MCM6: variants seen among roughly 807,000 people sequenced by gnomAD.
MCM6 encodes the protein minichromosome maintenance complex component 6.
MCM6 carries 46 observed loss-of-function variants against 94.3 expected under a neutral mutation model. The observed-to-expected ratio is 0.49, with a 90% CI of 0.39 to 0.62. The LOEUF (loss-of-function observed/expected upper bound fraction) is 0.62. Ranked by LOEUF, MCM6 falls within the 20% of genes least tolerant of loss-of-function variation. The pLI is 0.00. For missense variants in MCM6, 865 were observed against 1,017.9 expected (o/e 0.85, Z 2.04); for synonymous variants, 335 against 351.9 (o/e 0.95, Z 0.54).
intron 10 of MCM6, among the ~76,000 whole-genome samples, chr2:135,857,450 G>C (rs893720983): frequency 1.3e-5 from 2 of 152,214 alleles, no homozygotes; most frequent in East Asian, 3.9e-4. Context: ...GGGAGTTGCA[G>C]GGAAAGAGTT....
At chr2:135,851,625 C>A in intron 12 of MCM6, 62 bp from the exon 13 acceptor site, 2 of 1,417,408 alleles carry the variant, frequency 1.4e-6, no homozygotes, top group Non-Finnish European at 9.3e-7. Context: ...TACGGTAAAC[C>A]TAAGTTTAAG....
chr2:135,852,938 CTT>C, intron 11 of MCM6, 23 bp from the exon 12 acceptor site: 1 of 1,573,520 alleles, frequency 6.4e-7, no homozygotes. Context: ...AAAAAAATCA[CTT>C]TGATAGTCAC....
intron 1 of MCM6, 81 bp from the exon 2 acceptor site, chr2:135,872,924 A>G: frequency 6.5e-6 from 10 of 1,529,326 alleles, no homozygotes; most frequent in East Asian, 2.3e-5. Flanking sequence ...CATTGGTTAA[A>G]GTCCAACAAC....
Position 135,840,783 on chromosome 2 carries a change from C to T in MCM6, c.*52G>A. On this transcript the variant is annotated 3_prime_UTR_variant, in exon 17 of 17. Transcript: ENST00000264156. ...GCAGAGCTCCAGCCAGGCTCCAGGC[C>T]ACGAGGTGCTGTGCCACAGTTCCTC... 1 of 1,268,578 alleles carries T rather than the reference C, an allele frequency of 7.9e-7. No homozygotes were observed. The highest frequency in any genetic ancestry group is 1.2e-6 in the Non-Finnish European group (1 of 866,680). 78.6% of individuals were successfully genotyped at this position (1,268,578 alleles called of 1,614,324 possible). A position where few individuals can be genotyped will look rare whatever the true frequency, so the allele number is the denominator to read the frequency against.
Position 135,866,129 on chromosome 2 carries a change from G to C in MCM6, c.927+3C>G, listed in dbSNP as rs1340409681. 6.2e-7 allele frequency: 1 copy of C among 1,613,378 alleles called. No homozygotes were observed. The highest frequency in any genetic ancestry group is 2.2e-5 in the East Asian group (1 of 44,864). On this transcript the variant is annotated splice_donor_region_variant and intron_variant, in intron 6 of 16. Transcript: ENST00000264156. Reference sequence around the variant, plus strand: ...ACAAACAAAAACCCCCAAAACGACTGACCCTTGGGTTGGTTGGCGCAACAC... The same window carrying C: ...ACAAACAAAAACCCCCAAAACGACTCACCCTTGGGTTGGTTGGCGCAACAC...
At chr2:135,847,002 C>A (rs1483878379) in intron 14 of MCM6, among the ~76,000 whole-genome samples, 4 of 150,304 alleles carry the variant, frequency 2.7e-5, no homozygotes, top group Admixed American at 2.0e-4. Flanking sequence ...AAAACTCCAT[C>A]TCAAAAATAA....
chr2:135,864,728 C>T lies in MCM6; in HGVS notation c.1078+285G>A, dbSNP rs796346030. Among the ~76,000 whole-genome samples, 15 of 152,238 alleles carry T rather than the reference C, an allele frequency of 9.9e-5. 1 individual carries two copies. Among genetic ancestry groups the T allele is most frequent in the African/African-American group, 3.6e-4 (15 of 41,538 alleles). On this transcript the variant is annotated intron_variant, in intron 7 of 16. Transcript: ENST00000264156. The stretch of plus-strand genomic sequence containing the variant: ...TATAACTGTCACCACTATCCCTTTC[C>T]AGAACTTTGTCATCATCCCAAATAG...
In MCM6 at chr2:135,875,812, T is replaced by G. The variant is rs1011213251; in HGVS notation, c.107+447A>C. ...CAAGAGGCGAGGGTGGCCCGTGCCCTGCGAACCCCCAGCACCATGCTCCCG... is the reference window on the plus strand; with the variant it reads ...CAAGAGGCGAGGGTGGCCCGTGCCCGGCGAACCCCCAGCACCATGCTCCCG... On this transcript the variant is annotated intron_variant, in intron 1 of 16. Coordinates refer to ENST00000264156, the MANE Select transcript of MCM6 (RefSeq NM_005915.6). Among the ~76,000 whole-genome samples, 3 of 152,154 alleles carry G rather than the reference T, an allele frequency of 2.0e-5. No homozygotes were observed. In the South Asian group the frequency reaches 6.2e-4, roughly 32 times the overall value.
In MCM6 at chr2:135,844,636, A is replaced by G; in HGVS notation, c.2258T>C (p.Leu753Ser). 6.3e-7 allele frequency: 1 copy of G among 1,591,806 alleles called. No homozygotes were observed. The highest frequency in any genetic ancestry group is 1.2e-5 in the South Asian group (1 of 85,092). Residue 753 changes from leucine (L) to serine (S), a missense_variant, in exon 16 of 17, where the codon TTG becomes TCG. Around this residue, in one of 3 missense-constraint regions of MCM6, gnomAD observed 308 missense variants for 324.5 expected, o/e 0.95. Transcript: ENST00000264156. Reference sequence around the variant, plus strand: ...GTCTATCTCTGATTCGATTTCCTTCAAGTACCAGTTAACAAGCTCGCTCCT... The same window carrying G: ...GTCTATCTCTGATTCGATTTCCTTCGAGTACCAGTTAACAAGCTCGCTCCT... ...LKRSELVNWY[L>S]KEIESEIDSE...
rs1390785361 is a variant in MCM6 at position 135,862,768 on chromosome 2, C to A, written c.1079-20G>T. ...CATTGCCTGAAATGAAAAGAAGCTA[C>A]AGATGAAAAACTAATTTTTCAACAT... On this transcript the variant is annotated intron_variant, in intron 7 of 16. Coordinates refer to ENST00000264156, the MANE Select transcript of MCM6 (RefSeq NM_005915.6). 1.2e-6 allele frequency: 2 copies of A among 1,610,474 alleles called. No homozygotes were observed. Among genetic ancestry groups the A allele is most frequent in the Non-Finnish European group, 1.7e-6 (2 of 1,178,476 alleles).
chr2:135,870,853 TC>T, intron 2 of MCM6, among the ~76,000 whole-genome samples: 1 of 152,138 alleles, frequency 6.6e-6, no homozygotes, highest in East Asian at 1.9e-4. Flanking sequence ...GCTCAGGTGA[TC>T]CTCCCATCTC....
chr2:135,872,447 C>T (rs1392919207), intron 2 of MCM6, among the ~76,000 whole-genome samples: 23 of 146,622 alleles, frequency 1.6e-4, no homozygotes, highest in Non-Finnish European at 3.0e-5. Context: ...AAGACTCCGT[C>T]TCAAAAAACA....
At chr2:135,857,788 C>G in intron 10 of MCM6, 109 bp downstream of exon 10, 1 of 788,118 alleles carries the variant, frequency 1.3e-6, no homozygotes. Context: ...TTTTAATGAA[C>G]AGCATTACAC....
At chr2:135,868,110 T>C (rs918549573) in intron 4 of MCM6, among the ~76,000 whole-genome samples, 2 of 152,134 alleles carry the variant, frequency 1.3e-5, no homozygotes, top group African/African-American at 2.4e-5. Context: ...CTTATTAAGA[T>C]AGGCTCAAAC....
intron 2 of MCM6, among the ~76,000 whole-genome samples, chr2:135,871,155 T>C (rs1244796695): frequency 6.6e-6 from 1 of 152,184 alleles, no homozygotes; most frequent in Non-Finnish European, 1.5e-5. Flanking sequence ...GAAGTATGCA[T>C]GTCCTTTTGA....
intron 12 of MCM6, chr2:135,851,811 C>T (rs1011141857): frequency 6.8e-6 from 2 of 293,922 alleles, no homozygotes; most frequent in East Asian, 5.5e-5. Context: ...AGCAAATGAC[C>T]ATTTCTAAAA....
In MCM6 at chr2:135,840,951, C is replaced by T. The variant is rs1396687825; in HGVS notation, c.2350G>A (p.Asp784Asn). ...EKVIHRLTHY[D>N]HVLIELTQAG... Reference sequence around the variant, plus strand: ...TGGGTGAGCTCAATTAGAACATGATCCTGTGAAACACAAATATTTGTCCTC... The same window carrying T: ...TGGGTGAGCTCAATTAGAACATGATTCTGTGAAACACAAATATTTGTCCTC... Residue 784 changes from aspartate (D) to asparagine (N), a missense_variant and splice_region_variant, in exon 17 of 17, where the codon GAT becomes AAT. Physicochemically the swap from Asp to Asn is conservative, Grantham distance 23. Transcript: ENST00000264156. 1 of 1,607,054 alleles carries T rather than the reference C, an allele frequency of 6.2e-7. No homozygotes were observed. The highest frequency in any genetic ancestry group is 8.5e-7 in the Non-Finnish European group (1 of 1,173,670).
In MCM6 at chr2:135,866,265, T is replaced by A; in HGVS notation, c.794A>T (p.Glu265Val). The change falls in exon 6 of 17, where the codon GAA (glutamate) becomes GTA (valine). Residue 265 changes from glutamate (E) to valine (V), a missense_variant. This residue lies in a region of MCM6 where 404 missense variants were observed against 451.9 expected (regional missense o/e 0.89). Transcript: ENST00000264156. Reference protein sequence around the residue: ...SKLSTPGARAETNSRVSGVDG... With the variant: ...SKLSTPGARAVTNSRVSGVDG... The stretch of plus-strand genomic sequence containing the variant: ...AACACCACTGACACGGGAATTAGTT[T>A]CTGCACGTGCTCCTGAAACAGAATG... 6.2e-7 allele frequency: 1 copy of A among 1,614,208 alleles called. No homozygotes were observed.
At chr2:135,859,513 G>T (rs552028995) in intron 8 of MCM6, 71 bp from the exon 9 acceptor site, 13 of 1,090,104 alleles carry the variant, frequency 1.2e-5, no homozygotes, top group East Asian at 2.5e-5. Flanking sequence ...AAAACCAGCA[G>T]AAGAGTTTAA....
Sources: gnomAD v4.1 joint callset for allele counts (sites outside exome capture counted in the v4.1 genomes callset) on GRCh38, gnomAD v4.1.1 for gene constraint, gnomAD v4.1.1 regional missense constraint, MANE v1.5 for transcripts, NCBI Gene and HGNC (gene_info 2026-07-23, HGNC 2026-07-21) for gene names.